Variants in MACROD2 observed in about 807,000 individuals in gnomAD.
MACROD2 encodes mono-ADP ribosylhydrolase 2, also known as ADP-ribose glycohydrolase MACROD2.
A neutral mutation model predicts 70.4 loss-of-function variants in MACROD2; 36 were observed. That is an observed-to-expected ratio of 0.51 (90% CI 0.39 to 0.68). The LOEUF is 0.68. Among genes scored for constraint, MACROD2 ranks in the 30% least tolerant of loss-of-function variants. The pLI is 0.00. For synonymous variants in MACROD2, 172 were observed against 178.8 expected (o/e 0.96, Z 0.30); for missense variants, 496 against 538.4 (o/e 0.92, Z 0.78).
At chr20:15,474,515 T>C (rs1437786230) in intron 7 of MACROD2, among the ~76,000 whole-genome samples, 3 of 152,210 alleles carry the variant, frequency 2.0e-5, no homozygotes, top group Non-Finnish European at 4.4e-5. Context: ...TGCTTTTTCC[T>C]GCTTCAGAAT....
At chr20:15,989,943 C>G (rs2066535991) in intron 15 of MACROD2, among the ~76,000 whole-genome samples, 1 of 151,962 alleles carries the variant, frequency 6.6e-6, no homozygotes, top group African/African-American at 2.4e-5. Flanking sequence ...TTCTATGGCT[C>G]CCAGGTATAT....
chr20:15,195,272 G>T (rs1305883618), intron 5 of MACROD2, among the ~76,000 whole-genome samples: 1 of 152,092 alleles, frequency 6.6e-6, no homozygotes, highest in Non-Finnish European at 1.5e-5. Flanking sequence ...CACAGCAAAA[G>T]AAACTATGAT....
At chr20:15,967,901 T>A (rs1029151814) in intron 13 of MACROD2, among the ~76,000 whole-genome samples, 1 of 152,150 alleles carries the variant, frequency 6.6e-6, no homozygotes, top group Non-Finnish European at 1.5e-5. Flanking sequence ...GCACTGGGTT[T>A]GCAAACACTG....
intron 7 of MACROD2, among the ~76,000 whole-genome samples, chr20:15,476,576 C>CCT (rs1224455343): frequency 1.3e-5 from 2 of 152,016 alleles, no homozygotes; most frequent in African/African-American, 4.8e-5. Flanking sequence ...TTTTGCCCCC[C>CCT]CCCGGTAAGT....
At chr20:14,917,347 A>G (rs1394610487) in intron 5 of MACROD2, among the ~76,000 whole-genome samples, 3 of 151,978 alleles carry the variant, frequency 2.0e-5, no homozygotes, top group African/African-American at 4.8e-5. Context: ...ACTCTTTGAA[A>G]CCACTGCTGT....
chr20:14,453,395 G>T (rs965315025), intron 3 of MACROD2, among the ~76,000 whole-genome samples: 12 of 152,008 alleles, frequency 7.9e-5, no homozygotes, highest in Non-Finnish European at 1.5e-4. Context: ...GTGTTGCTTT[G>T]GAGTGCTTTT....
intron 3 of MACROD2, among the ~76,000 whole-genome samples, chr20:14,359,762 T>C (rs544337035): frequency 6.6e-6 from 1 of 152,224 alleles, no homozygotes; most frequent in East Asian, 1.9e-4. Context: ...TTCAGGGTGC[T>C]GAGGTGGGAG....
At chr20:15,197,280 A>C (rs2076614267) in intron 5 of MACROD2, among the ~76,000 whole-genome samples, 2 of 152,172 alleles carry the variant, frequency 1.3e-5, no homozygotes, top group Admixed American at 1.3e-4. Flanking sequence ...TCTATATTTT[A>C]CACAAAAAGA....
intron 8 of MACROD2, among the ~76,000 whole-genome samples, chr20:15,719,462 G>T (rs1465478550): frequency 3.9e-5 from 6 of 152,080 alleles, no homozygotes; most frequent in Non-Finnish European, 8.8e-5. Flanking sequence ...TTCCTAATTA[G>T]GGAAAAGCTA....
chr20:14,791,943 T>G (rs911645898), intron 5 of MACROD2, among the ~76,000 whole-genome samples: 1 of 151,670 alleles, frequency 6.6e-6, no homozygotes, highest in Non-Finnish European at 1.5e-5. Flanking sequence ...TTGATGTTGA[T>G]ATCATTGAAA....
At chr20:14,828,395 G>C (rs1248620871) in intron 5 of MACROD2, among the ~76,000 whole-genome samples, 1 of 152,132 alleles carries the variant, frequency 6.6e-6, no homozygotes, top group Admixed American at 6.5e-5. Context: ...ACCTATGTAA[G>C]AAGTTCCCTG....
At chr20:14,045,543 C>T (rs2053460635) in intron 2 of MACROD2, among the ~76,000 whole-genome samples, 1 of 152,166 alleles carries the variant, frequency 6.6e-6, no homozygotes, top group Admixed American at 6.5e-5. Context: ...AAGTACCTAA[C>T]AGAAAAGTGA....
At chr20:14,901,192 G>A (rs947443241) in intron 5 of MACROD2, among the ~76,000 whole-genome samples, 1 of 151,964 alleles carries the variant, frequency 6.6e-6, no homozygotes, top group Non-Finnish European at 1.5e-5. Flanking sequence ...AGTAGATGCA[G>A]TAAACACTAT....
intron 4 of MACROD2, among the ~76,000 whole-genome samples, chr20:14,598,056 G>A (rs888653430): frequency 1.3e-5 from 2 of 152,188 alleles, no homozygotes; most frequent in East Asian, 1.9e-4. Flanking sequence ...AAAGGACTGG[G>A]TTTGGAAGTT....
At chr20:16,022,114 G>A (rs948555495) in intron 15 of MACROD2, among the ~76,000 whole-genome samples, 9 of 142,732 alleles carry the variant, frequency 6.3e-5, no homozygotes, top group Admixed American at 1.5e-4. Context: ...GCAGTGGCGC[G>A]ATCTTGGCTC....
At chr20:14,561,970 G>A (rs1428797048) in intron 4 of MACROD2, among the ~76,000 whole-genome samples, 1 of 115,538 alleles carries the variant, frequency 8.7e-6, no homozygotes, top group South Asian at 3.7e-4. Flanking sequence ...CAGAATATGA[G>A]CCATAATCTT....
chr20:15,049,086 C>T (rs1600998404), intron 5 of MACROD2, among the ~76,000 whole-genome samples: 1 of 150,672 alleles, frequency 6.6e-6, no homozygotes. Flanking sequence ...TTTTTAATGT[C>T]CAAAAGAAAG....
chr20:15,787,517 T>G (rs1237596645), intron 8 of MACROD2, among the ~76,000 whole-genome samples: 1 of 152,098 alleles, frequency 6.6e-6, no homozygotes, highest in Non-Finnish European at 1.5e-5. Context: ...TTTATGTCCA[T>G]GTGTACCCAA....
chr20:15,387,991 T>A (rs1164053286), intron 6 of MACROD2, among the ~76,000 whole-genome samples: 2 of 152,128 alleles, frequency 1.3e-5, no homozygotes, highest in Admixed American at 1.3e-4. Flanking sequence ...GCTCAAGCCG[T>A]CTTCCTGTCA....
Sources: gnomAD v4.1 joint callset for allele counts (sites outside exome capture counted in the v4.1 genomes callset) on GRCh38, gnomAD v4.1.1 for gene constraint, MANE v1.5 for transcripts, NCBI Gene and HGNC (gene_info 2026-07-23, HGNC 2026-07-21) for gene names.